Variants in NFATC1 observed in about 807,000 individuals in gnomAD.
NFATC1 encodes the protein nuclear factor of activated T-cells, cytoplasmic 1.
A neutral mutation model predicts 76.0 loss-of-function variants in NFATC1; 22 were observed. The ratio of observed to expected loss-of-function variants is 0.29; its 90% CI spans 0.21 to 0.41. The LOEUF is 0.41. Ranked by LOEUF, NFATC1 falls within the 10% of genes least tolerant of loss-of-function variation. NFATC1 has a pLI of 1.00. For synonymous variants in NFATC1, 704 were observed against 613.1 expected (o/e 1.15, Z -2.19); for missense variants, 1,357 against 1,337.7 (o/e 1.01, Z -0.23).
Position 79,465,150 on chromosome 18 carries a change from G to A in NFATC1, c.1960-2300G>A, listed in dbSNP as rs1180629014. On this transcript the variant is annotated intron_variant, in intron 7 of 9. Coordinates refer to ENST00000427363, the MANE Select transcript of NFATC1 (RefSeq NM_001278669.2). This position sits in a 1 kb window ranked among gnomAD's most constrained non-coding sequence, Gnocchi z 4.2. ...CCATTTGGAACCCGTATTTTTTCCG[G>A]TACAGACGAGTTTCCCTCTCCCTTC... Among the ~76,000 whole-genome samples the A allele has an allele frequency of 6.6e-6, 1 of 152,158 alleles. No homozygotes were observed. Among genetic ancestry groups the A allele is most frequent in the Non-Finnish European group, 1.5e-5 (1 of 68,038 alleles).
Position 79,448,827 on chromosome 18 carries a change from A to G in NFATC1, c.1432A>G (p.Ile478Val). Residue 478 changes from isoleucine (I) to valine (V), a missense_variant, in exon 4 of 10, where the codon ATT (isoleucine) becomes GTT (valine). Around this residue, in one of 3 missense-constraint regions of NFATC1, gnomAD observed 242 missense variants for 329.2 expected, o/e 0.74. Transcript: ENST00000427363. ...ENEPLMLQLFIGTADDRLLRP... is the reference protein window; with the variant it reads ...ENEPLMLQLFVGTADDRLLRP... ...TGAGCCGCTGATGCTGCAGCTTTTC[A>G]TTGGGACGGCGGACGACCGCCTGCT... is the stretch of plus-strand genomic sequence containing the variant. 2.5e-6 allele frequency: 4 copies of G among 1,613,908 alleles called. No individual in the cohort carries two copies. The highest frequency in any genetic ancestry group is 1.7e-4 in the Middle Eastern group (1 of 6,058).
chr18:79,513,993 G>A (rs764232231), intron 9 of NFATC1, among the ~76,000 whole-genome samples: 6 of 152,324 alleles, frequency 3.9e-5, no homozygotes, highest in South Asian at 2.1e-4. Flanking sequence ...TGTGAAGGCC[G>A]TGCTGATCTC....
At chr18:79,490,150 G>A (rs2089634395) in intron 9 of NFATC1, among the ~76,000 whole-genome samples, 1 of 152,198 alleles carries the variant, frequency 6.6e-6, no homozygotes, top group Non-Finnish European at 1.5e-5. Flanking sequence ...AGGCAGGCAG[G>A]CGGGGCGCAT....
chr18:79,411,507 C>T lies in NFATC1; in HGVS notation c.1226+6C>T. 1.4e-6 allele frequency: 2 copies of T among 1,472,868 alleles called. No individual in the cohort carries two copies. The highest frequency in any genetic ancestry group is 2.5e-5 in the Admixed American group (1 of 39,358). The allele number at this position is 1,472,868 out of a possible 1,614,324, so 91.2% of individuals were successfully genotyped here. Reference sequence around the variant, plus strand: ...TCCCCTACGTCCTACATGAGGTGAGCCGGCAGCGCGGGGCGGGACGGGGAG... The same window carrying T: ...TCCCCTACGTCCTACATGAGGTGAGTCGGCAGCGCGGGGCGGGACGGGGAG... On this transcript the variant is annotated splice_donor_region_variant and intron_variant, in intron 2 of 9. Coordinates refer to ENST00000427363, the MANE Select transcript of NFATC1 (RefSeq NM_001278669.2).
At chr18:79,520,191 C>T (rs1006667041) in intron 9 of NFATC1, among the ~76,000 whole-genome samples, 1 of 152,240 alleles carries the variant, frequency 6.6e-6, no homozygotes, top group Non-Finnish European at 1.5e-5. Flanking sequence ...CCGGGCCCCT[C>T]ACGGGAGGGG....
intron 2 of NFATC1, 117 bp from the exon 3 acceptor site, chr18:79,433,462 G>C: frequency 8.3e-7 from 1 of 1,211,232 alleles, no homozygotes; most frequent in Non-Finnish European, 1.2e-6. Flanking sequence ...TCCATGTCAG[G>C]ACGTGCACTC....
chr18:79,487,010 C>T (rs909996603), intron 9 of NFATC1, 73 bp downstream of exon 9: 30 of 1,463,688 alleles, frequency 2.0e-5, no homozygotes, highest in African/African-American at 7.1e-5. Flanking sequence ...GGGCCGTGTG[C>T]GTGCTGCGTG....
At chr18:79,525,576 G>A (rs1023092887) in intron 9 of NFATC1, among the ~76,000 whole-genome samples, 21 of 151,994 alleles carry the variant, frequency 1.4e-4, no homozygotes, top group Non-Finnish European at 1.9e-4. Context: ...TGTCCCTGTC[G>A]CTGTTACCCT....
chr18:79,426,800 A>G (rs1004898188), intron 2 of NFATC1, among the ~76,000 whole-genome samples: 1 of 152,176 alleles, frequency 6.6e-6, no homozygotes, highest in Non-Finnish European at 1.5e-5. Flanking sequence ...GGGGGAGGCA[A>G]TGCCCCACCC....
chr18:79,489,824 G>A (rs9962048), intron 9 of NFATC1, among the ~76,000 whole-genome samples: 14,422 of 152,258 alleles, frequency 0.095, 2,218 homozygotes, highest in African/African-American at 0.33. Flanking sequence ...TGGGTCCTGT[G>A]TGCTTCTGCC....
At chr18:79,514,560 G>A (rs1156424532) in intron 9 of NFATC1, among the ~76,000 whole-genome samples, 1 of 52,970 alleles carries the variant, frequency 1.9e-5, no homozygotes, top group Non-Finnish European at 3.5e-5. Context: ...ATGAGACCCT[G>A]CCTCAAAAAA....
chr18:79,495,811 C>T (rs1197938205), intron 9 of NFATC1, among the ~76,000 whole-genome samples: 2 of 152,044 alleles, frequency 1.3e-5, no homozygotes, highest in African/African-American at 2.4e-5. Context: ...AGTACTAAGG[C>T]GTTCATGGGT....
rs527598259 is a variant in NFATC1, at chr18:79,509,146, C to T, written c.2783-18382C>T. Among the ~76,000 whole-genome samples, 13 of 152,336 alleles carry T rather than the reference C, an allele frequency of 8.5e-5. No homozygotes were observed. The East Asian group carries it at 2.1e-3, about 25-fold the overall frequency. On this transcript the variant is annotated intron_variant, in intron 9 of 9. Coordinates refer to ENST00000427363, the MANE Select transcript of NFATC1 (RefSeq NM_001278669.2). ...AGCCTCCGCAGAGGTGTGTGGGCTC[C>T]GGGGAGAGGGACGTGCTGGCCCCTG...
chr18:79,529,287 G>A lies in NFATC1; in HGVS notation c.*1710G>A, dbSNP rs1331557285. 6.6e-6 allele frequency: 1 copy of A among 152,266 alleles called. No homozygotes were observed. The highest frequency in any genetic ancestry group is 2.4e-5 in the African/African-American group (1 of 41,460). 9.4% of individuals were successfully genotyped at this position (152,266 alleles called of 1,614,324 possible). A position where few individuals can be genotyped will look rare whatever the true frequency, so the allele number is the denominator to read the frequency against. ...TCTGTGTCAGCTGTCTTTGTAGTTAGGAAATAGATCCAATAAAGCCGTATT... is the reference window on the plus strand; with the variant it reads ...TCTGTGTCAGCTGTCTTTGTAGTTAAGAAATAGATCCAATAAAGCCGTATT... On this transcript the variant is annotated 3_prime_UTR_variant, in exon 10 of 10. Transcript: ENST00000427363.
intron 8 of NFATC1, among the ~76,000 whole-genome samples, chr18:79,475,977 C>T (rs967135081): frequency 1.3e-4 from 20 of 152,164 alleles, no homozygotes; most frequent in South Asian, 4.1e-4. Context: ...GCTCAGCATC[C>T]GACGGGCGCA....
intron 7 of NFATC1, among the ~76,000 whole-genome samples, chr18:79,464,950 C>T (rs769483086): frequency 1.5e-4 from 23 of 151,806 alleles, no homozygotes; most frequent in Non-Finnish European, 3.1e-4. Context: ...AGCAATCCTC[C>T]CACCTGGGCC....
intron 6 of NFATC1, among the ~76,000 whole-genome samples, chr18:79,460,507 T>C (rs1261468775): frequency 2.0e-5 from 3 of 152,212 alleles, no homozygotes; most frequent in Non-Finnish European, 4.4e-5. Context: ...GCCCCCACTC[T>C]GCCAGGCCTG....
intron 2 of NFATC1, among the ~76,000 whole-genome samples, chr18:79,432,367 A>G (rs1360092452): frequency 6.6e-6 from 1 of 151,880 alleles, no homozygotes; most frequent in Non-Finnish European, 1.5e-5. Flanking sequence ...CTCTGCCCAC[A>G]CGGAGGTGAG....
intron 9 of NFATC1, among the ~76,000 whole-genome samples, chr18:79,515,472 G>A (rs1298718222): frequency 2.6e-5 from 4 of 151,862 alleles, no homozygotes; most frequent in African/African-American, 9.7e-5. Flanking sequence ...GGTGGTGGTG[G>A]ATGGGGGCTC....
Sources: gnomAD v4.1 joint callset for allele counts (sites outside exome capture counted in the v4.1 genomes callset) on GRCh38, gnomAD v4.1.1 for gene constraint, gnomAD v4.1.1 regional missense constraint, Gnocchi (gnomAD v3.1) non-coding constraint, MANE v1.5 for transcripts, NCBI Gene and HGNC (gene_info 2026-07-23, HGNC 2026-07-21) for gene names.